SKAP2: variants seen among roughly 807,000 people sequenced by gnomAD.
SKAP2 encodes the protein src kinase-associated phosphoprotein 2.
SKAP2 carries 28 observed loss-of-function variants against 54.9 expected under a neutral mutation model. The observed-to-expected ratio is 0.51, with a 90% CI of 0.38 to 0.70. SKAP2 has a LOEUF of 0.70. Among genes scored for constraint, SKAP2 ranks in the 30% least tolerant of loss-of-function variants. The pLI is 0.00. For missense variants in SKAP2, 356 were observed against 424.1 expected (o/e 0.84, Z 1.41); for synonymous variants, 137 against 134.3 (o/e 1.02, Z -0.14).
At chr7:26,755,330 A>G (rs1382138034) in intron 4 of SKAP2, among the ~76,000 whole-genome samples, 1 of 143,828 alleles carries the variant, frequency 7.0e-6, no homozygotes, top group African/African-American at 3.0e-5. Flanking sequence ...GAAGTCAGGT[A>G]TACTGTTATA....
chr7:26,842,017 A>T (rs1354794701), intron 4 of SKAP2, among the ~76,000 whole-genome samples: 2 of 151,982 alleles, frequency 1.3e-5, no homozygotes, highest in East Asian at 3.9e-4. Context: ...GAGAACACAC[A>T]CAAAATCTAA....
chr7:26,811,757 A>C (rs1288625908), intron 4 of SKAP2, among the ~76,000 whole-genome samples: 1 of 152,234 alleles, frequency 6.6e-6, no homozygotes, highest in African/African-American at 2.4e-5. Flanking sequence ...AAGGGCACTT[A>C]GTAGTAAATG....
intron 6 of SKAP2, among the ~76,000 whole-genome samples, chr7:26,732,972 G>C (rs1787851949): frequency 6.6e-6 from 1 of 151,952 alleles, no homozygotes; most frequent in Admixed American, 6.6e-5. Flanking sequence ...TAGCCATAAA[G>C]GCAGAAAATA....
intron 3 of SKAP2, among the ~76,000 whole-genome samples, chr7:26,845,078 T>C (rs213536): frequency 0.087 from 13,320 of 152,270 alleles, 811 homozygotes; most frequent in Non-Finnish European, 0.13. Context: ...CATTAAGTAT[T>C]TGACTGTTGA....
intron 4 of SKAP2, among the ~76,000 whole-genome samples, chr7:26,747,325 T>C (rs1782578850): frequency 6.6e-6 from 1 of 152,110 alleles, no homozygotes; most frequent in Non-Finnish European, 1.5e-5. Context: ...CAACTTTCAA[T>C]TAGTAGAACC....
intron 3 of SKAP2, chr7:26,848,133 T>C (rs1026083246): frequency 1.1e-4 from 17 of 152,372 alleles, no homozygotes; most frequent in Middle Eastern, 3.4e-3. Flanking sequence ...CTTTCTGATA[T>C]GGTTCATTAT....
chr7:26,678,595 C>A (rs1786410475), intron 11 of SKAP2, among the ~76,000 whole-genome samples: 1 of 151,914 alleles, frequency 6.6e-6, no homozygotes, highest in Non-Finnish European at 1.5e-5. Context: ...TGCGCACCAC[C>A]ACGCCCAGGT....
rs1233205703 is a variant in SKAP2, at chr7:26,709,214, A to T, written c.796+16214T>A. On this transcript the variant is annotated intron_variant, in intron 9 of 12. Coordinates refer to ENST00000345317, the MANE Select transcript of SKAP2 (RefSeq NM_003930.5). The stretch of plus-strand genomic sequence containing the variant: ...GCTAGGTTTCCAGGAAGAACTGAGA[A>T]GTAAGGTAGTTTCTGAAAGAAAACA... 2.0e-5 allele frequency among the ~76,000 whole-genome samples: 3 copies of T among 152,190 alleles called. No individual in the cohort carries two copies. The East Asian group carries it at 5.8e-4, about 29-fold the overall frequency.
At chr7:26,831,517 A>C (rs1784595057) in intron 4 of SKAP2, among the ~76,000 whole-genome samples, 1 of 152,176 alleles carries the variant, frequency 6.6e-6, no homozygotes, top group Non-Finnish European at 1.5e-5. Flanking sequence ...CAAAAAGGAA[A>C]ATTTATTTAA....
intron 4 of SKAP2, among the ~76,000 whole-genome samples, chr7:26,824,977 T>C (rs1471810048): frequency 6.6e-6 from 1 of 152,182 alleles, no homozygotes; most frequent in African/African-American, 2.4e-5. Context: ...GTGGTTTTTA[T>C]TTACCACATT....
chr7:26,739,559 C>T (rs1016222885), intron 5 of SKAP2, among the ~76,000 whole-genome samples: 2 of 152,170 alleles, frequency 1.3e-5, no homozygotes, highest in South Asian at 4.1e-4. Context: ...ACCTGCTGCT[C>T]AGCCCATTGA....
At chr7:26,832,941 G>A (rs1186302708) in intron 4 of SKAP2, among the ~76,000 whole-genome samples, 1 of 152,132 alleles carries the variant, frequency 6.6e-6, no homozygotes, top group Non-Finnish European at 1.5e-5. Flanking sequence ...AAAAGCAGCT[G>A]GCAGTAAAGG....
chr7:26,712,541 A>T (rs1046948914), intron 9 of SKAP2, among the ~76,000 whole-genome samples: 27 of 152,322 alleles, frequency 1.8e-4, no homozygotes, highest in African/African-American at 6.5e-4. Context: ...CTTAACCTCC[A>T]GAGTCAGAAT....
chr7:26,676,460 G>A (rs184391090), intron 11 of SKAP2, among the ~76,000 whole-genome samples: 3 of 152,294 alleles, frequency 2.0e-5, no homozygotes, highest in East Asian at 3.9e-4. Flanking sequence ...GGAGGTCTCT[G>A]TAGGAGTGGT....
At chr7:26,706,224 T>C (rs1429366779) in intron 9 of SKAP2, among the ~76,000 whole-genome samples, 1 of 152,192 alleles carries the variant, frequency 6.6e-6, no homozygotes, top group African/African-American at 2.4e-5. Flanking sequence ...TTTATTAGTT[T>C]GAATAAAATG....
At chr7:26,808,043 G>T (rs918839917) in intron 4 of SKAP2, among the ~76,000 whole-genome samples, 5 of 152,028 alleles carry the variant, frequency 3.3e-5, no homozygotes, top group Non-Finnish European at 7.4e-5. Flanking sequence ...TATTGCAGTG[G>T]TCTGAAACCA....
the SKAP2 span, among the ~76,000 whole-genome samples, chr7:26,657,171 T>C: frequency 2.0e-5 from 3 of 152,244 alleles, no homozygotes; most frequent in Admixed American, 6.5e-5. Context: ...ACATTATCTT[T>C]CTGCCACCCC....
intron 6 of SKAP2, among the ~76,000 whole-genome samples, chr7:26,732,036 T>C (rs1354870373): frequency 2.0e-5 from 3 of 152,224 alleles, no homozygotes; most frequent in African/African-American, 7.2e-5. Context: ...TGGACATTTA[T>C]TATTTGGGGC....
intron 4 of SKAP2, among the ~76,000 whole-genome samples, chr7:26,770,978 T>C (rs371861040): frequency 5.9e-5 from 9 of 152,192 alleles, no homozygotes; most frequent in African/African-American, 2.2e-4. Flanking sequence ...GAGACAAGTA[T>C]AACAACTGTT....
Sources: gnomAD v4.1 joint callset for allele counts (sites outside exome capture counted in the v4.1 genomes callset) on GRCh38, gnomAD v4.1.1 for gene constraint, MANE v1.5 for transcripts, NCBI Gene and HGNC (gene_info 2026-07-23, HGNC 2026-07-21) for gene names.